The following EDEM1 variants were observed in gnomAD, a reference collection of about 807,000 sequenced individuals.
EDEM1 encodes ER degradation enhancing alpha-mannosidase like protein 1.
EDEM1 carries 67 observed loss-of-function variants against 74.4 expected under a neutral mutation model. The ratio of observed to expected loss-of-function variants is 0.90; its 90% CI spans 0.74 to 1.10. The LOEUF (loss-of-function observed/expected upper bound fraction) is 1.10. EDEM1 is among the 50% of genes least tolerant of loss of function. The probability of loss-of-function intolerance (pLI) is 0.00; values close to 1 mark genes in which losing one functional copy is unlikely to be tolerated. For synonymous variants in EDEM1, 382 were observed against 335.9 expected (o/e 1.14, Z -1.50); for missense variants, 926 against 851.6 (o/e 1.09, Z -1.09).
In EDEM1 at chr3:5,192,906, A is replaced by C. The variant is rs533829406; in HGVS notation, c.510-2303A>C. On this transcript the variant is annotated intron_variant, in intron 1 of 11. Coordinates refer to ENST00000256497, the MANE Select transcript of EDEM1 (RefSeq NM_014674.3). ...CTAGAGTGGAGAGAAGAAACCCCAC[A>C]GTTACTGCAAGTAATTTTTTTTTTT... Among the ~76,000 whole-genome samples, 136 of 152,122 alleles carry C rather than the reference A, an allele frequency of 8.9e-4. 1 individual carries two copies. Among genetic ancestry groups the C allele is most frequent in the African/African-American group, 3.2e-3 (133 of 41,480 alleles).
intron 2 of EDEM1, among the ~76,000 whole-genome samples, chr3:5,197,741 T>C (rs2054986826): frequency 6.6e-6 from 1 of 152,268 alleles, no homozygotes; most frequent in Admixed American, 6.5e-5. Context: ...ACTGTGAAGA[T>C]AGCAGTCCCC....
chr3:5,193,653 A>G (rs1285056568), intron 1 of EDEM1, among the ~76,000 whole-genome samples: 2 of 151,756 alleles, frequency 1.3e-5, no homozygotes, highest in Non-Finnish European at 2.9e-5. Context: ...GCTGGAGTGC[A>G]ATGGCATGAT....
At chr3:5,210,403 C>T (rs147376764) in intron 9 of EDEM1, among the ~76,000 whole-genome samples, 155 bp downstream of exon 9, 36 of 152,268 alleles carry the variant, frequency 2.4e-4, no homozygotes, top group African/African-American at 8.4e-4. Context: ...TGTAGTAGAA[C>T]CTTTCCATTG....
intron 5 of EDEM1, 98 bp downstream of exon 5, chr3:5,203,247 A>G (rs962277585): frequency 8.0e-6 from 10 of 1,249,082 alleles, no homozygotes; most frequent in African/African-American, 6.2e-5. Context: ...CTTCAACTCA[A>G]TTGACAACTC....
intron 1 of EDEM1, chr3:5,188,578 T>G (rs917275862): frequency 5.4e-5 from 20 of 371,184 alleles, no homozygotes; most frequent in African/African-American, 4.0e-4. Context: ...GTCTTACGCG[T>G]GAGGATACTG....
chr3:5,202,426 T>C (rs1267194875), intron 4 of EDEM1, among the ~76,000 whole-genome samples: 2 of 152,234 alleles, frequency 1.3e-5, no homozygotes, highest in Non-Finnish European at 2.9e-5. Flanking sequence ...TATATATTTG[T>C]GACATCTGAT....
chr3:5,202,909 T>C (rs1318376965), intron 4 of EDEM1, 57 bp from the exon 5 acceptor site: 10 of 1,551,446 alleles, frequency 6.4e-6, no homozygotes, highest in Non-Finnish European at 8.8e-7. Flanking sequence ...GACCCGGCTT[T>C]TCAGCTCTGT....
At chr3:5,189,143 CTAAGGACCTCTTACCTG>C (rs373180360) in intron 1 of EDEM1, among the ~76,000 whole-genome samples, 145 of 152,302 alleles carry the variant, frequency 9.5e-4, no homozygotes, top group African/African-American at 3.1e-3. Context: ...GTACACCCAG[CTAAGGACCTCTTACCTG>C]TAGGGAAGGA....
chr3:5,207,641 G>A (rs1405706055), intron 7 of EDEM1, among the ~76,000 whole-genome samples: 1 of 152,132 alleles, frequency 6.6e-6, no homozygotes, highest in African/African-American at 2.4e-5. Context: ...AGGGTAGCTG[G>A]GATTACAGGC....
intron 3 of EDEM1, among the ~76,000 whole-genome samples, chr3:5,201,277 A>G (rs1394200866): frequency 6.6e-6 from 1 of 151,812 alleles, no homozygotes; most frequent in Non-Finnish European, 1.5e-5. Context: ...CAGCCTCCCA[A>G]GTAGCTACTA....
chr3:5,215,662 C>G (rs1362700964), intron 11 of EDEM1, among the ~76,000 whole-genome samples, 167 bp from the exon 12 acceptor site: 1 of 152,178 alleles, frequency 6.6e-6, no homozygotes, highest in Non-Finnish European at 1.5e-5. Flanking sequence ...GTGGGAGAGG[C>G]AAGGGGTGCT....
chr3:5,212,668 A>T (rs2055182077), intron 10 of EDEM1, among the ~76,000 whole-genome samples: 1 of 152,230 alleles, frequency 6.6e-6, no homozygotes, highest in Non-Finnish European at 1.5e-5. Context: ...GTATTCATTC[A>T]TTCAACATTC....
At chr3:5,206,507 C>G (rs1423542422) in intron 6 of EDEM1, among the ~76,000 whole-genome samples, 1 of 152,058 alleles carries the variant, frequency 6.6e-6, no homozygotes, top group East Asian at 1.9e-4. Context: ...CACCTGGCCC[C>G]CAGATCTTTC....
rs770752760 is a variant in EDEM1, at chr3:5,205,121, G to C, written c.1097G>C (p.Gly366Ala). The C allele has an allele frequency of 6.2e-7, 1 of 1,614,224 alleles. No homozygotes were observed. The highest frequency in any genetic ancestry group is 1.1e-5 in the South Asian group (1 of 91,088). Reference protein sequence around the residue: ...GHWVGKQSGLGAGLDSFYEYL... With the variant: ...GHWVGKQSGLAAGLDSFYEYL... Reference sequence around the variant, plus strand: ...TGGGTTGGAAAGCAGAGTGGCCTGGGTGCCGGGCTGGACTCCTTCTATGAA... The same window carrying C: ...TGGGTTGGAAAGCAGAGTGGCCTGGCTGCCGGGCTGGACTCCTTCTATGAA... Residue 366 changes from glycine to alanine, a missense_variant, in exon 6 of 12, where the codon GGT becomes GCT. By Grantham distance (60) the Gly-to-Ala change is moderately conservative. Transcript: ENST00000256497.
At chr3:5,199,559 T>C in intron 2 of EDEM1, 33 bp from the exon 3 acceptor site, 1 of 1,507,946 alleles carries the variant, frequency 6.6e-7, no homozygotes, top group Non-Finnish European at 9.2e-7. Context: ...TCATTTCAAG[T>C]TGCTGTAATG....
intron 1 of EDEM1, among the ~76,000 whole-genome samples, chr3:5,188,995 A>C (rs1359801265): frequency 6.6e-6 from 1 of 152,138 alleles, no homozygotes; most frequent in Non-Finnish European, 1.5e-5. Flanking sequence ...ATCGCCCTGT[A>C]CGATCTGTCT....
At position 5,190,726 on chromosome 3, in the gene EDEM1, G is replaced by A. The variant is rs184363827; in HGVS notation, c.509+2412G>A. 5.4e-4 allele frequency among the ~76,000 whole-genome samples: 82 copies of A among 152,310 alleles called. 1 individual carries two copies. Among genetic ancestry groups the A allele is most frequent in the Admixed American group, 3.1e-3 (48 of 15,296 alleles). ...GTTGTGCCCTGAGCTGGGTAGGCCCGTTGGTTGGTAAACCTTTGTTGTCTT... is the reference window on the plus strand; with the variant it reads ...GTTGTGCCCTGAGCTGGGTAGGCCCATTGGTTGGTAAACCTTTGTTGTCTT... On this transcript the variant is annotated intron_variant, in intron 1 of 11. Coordinates refer to ENST00000256497, the MANE Select transcript of EDEM1 (RefSeq NM_014674.3).
intron 10 of EDEM1, 110 bp from the exon 11 acceptor site, chr3:5,213,209 G>A: frequency 9.3e-7 from 1 of 1,074,008 alleles, no homozygotes; most frequent in Non-Finnish European, 1.3e-6. Flanking sequence ...TCACTGAGAA[G>A]CATGAGGCCC....
Position 5,188,228 on chromosome 3 carries a change from C to T in EDEM1, c.423C>T (p.Gly141=), listed in dbSNP as rs2054852419. 6.3e-7 allele frequency: 1 copy of T among 1,584,282 alleles called. No homozygotes were observed. Among genetic ancestry groups the T allele is most frequent in the South Asian group, 1.1e-5 (1 of 87,052 alleles). ...RDLARGMFVF[G]YDNYMAHAFP... ...TGGCACGGGGCATGTTCGTCTTTGG[C>T]TACGACAACTACATGGCTCACGCCT... is the stretch of plus-strand genomic sequence containing the variant. Residue 141 remains glycine, a synonymous_variant, in exon 1 of 12, where the codon GGC becomes GGT. Transcript: ENST00000256497.
Sources: gnomAD v4.1 joint callset for allele counts (sites outside exome capture counted in the v4.1 genomes callset) on GRCh38, gnomAD v4.1.1 for gene constraint, MANE v1.5 for transcripts, NCBI Gene and HGNC (gene_info 2026-07-23, HGNC 2026-07-21) for gene names.